Variants in PRKCE observed in about 807,000 individuals in gnomAD.
PRKCE encodes protein kinase C epsilon.
In PRKCE, 16 loss-of-function variants were observed where a neutral mutation model predicts 85.4. The observed-to-expected ratio is 0.19, with a 90% confidence interval of 0.13 to 0.28. The LOEUF (loss-of-function observed/expected upper bound fraction) is 0.28, where lower values mean the gene tolerates loss of function less well. Among genes scored for constraint, PRKCE ranks in the 10% least tolerant of loss-of-function variants. The probability of loss-of-function intolerance (pLI) is 1.00; values close to 1 mark genes in which losing one functional copy is unlikely to be tolerated. For synonymous variants in PRKCE, 388 were observed against 371.5 expected (o/e 1.04, Z -0.51); for missense variants, 573 against 975.2 (o/e 0.59, Z 5.49).
intron 2 of PRKCE, among the ~76,000 whole-genome samples, chr2:45,856,297 C>T (rs1233103724): frequency 1.3e-5 from 2 of 152,126 alleles, no homozygotes; most frequent in African/African-American, 4.8e-5. Context: ...GTGGCACAGT[C>T]TCCGCTCACT....
intron 10 of PRKCE, among the ~76,000 whole-genome samples, chr2:46,029,635 T>G (rs1365522600): frequency 6.6e-6 from 1 of 151,604 alleles, no homozygotes; most frequent in Non-Finnish European, 1.5e-5. Context: ...AGCCTGTTCA[T>G]GCATCGCTAA....
intron 2 of PRKCE, among the ~76,000 whole-genome samples, chr2:45,947,307 AG>A (rs1456006863): frequency 6.6e-6 from 1 of 152,070 alleles, no homozygotes. Flanking sequence ...GCCAGGAGCC[AG>A]GGGGTGGGGG....
intron 2 of PRKCE, among the ~76,000 whole-genome samples, chr2:45,935,281 C>T (rs188884539): frequency 6.6e-4 from 100 of 152,220 alleles, no homozygotes; most frequent in African/African-American, 2.3e-3. Flanking sequence ...GCATGATTCT[C>T]TGCTTTACTG....
intron 1 of PRKCE, among the ~76,000 whole-genome samples, chr2:45,750,162 C>T (rs1407239752): frequency 3.9e-5 from 6 of 152,004 alleles, no homozygotes; most frequent in East Asian, 1.9e-4. Context: ...TAAAATGTAC[C>T]GTTAGTGAAA....
intron 14 of PRKCE, among the ~76,000 whole-genome samples, chr2:46,172,603 T>A (rs1399506563): frequency 6.6e-6 from 1 of 152,196 alleles, no homozygotes; most frequent in Non-Finnish European, 1.5e-5. Flanking sequence ...ATAATGTGTT[T>A]GGAGCTAACG....
intron 2 of PRKCE, among the ~76,000 whole-genome samples, chr2:45,937,861 C>T (rs568395104): frequency 6.6e-6 from 1 of 152,286 alleles, no homozygotes; most frequent in East Asian, 1.9e-4. Context: ...TTATCCTCCC[C>T]CACCCCACTT....
intron 1 of PRKCE, among the ~76,000 whole-genome samples, chr2:45,789,371 T>A (rs1389784515): frequency 6.6e-6 from 1 of 152,222 alleles, no homozygotes; most frequent in African/African-American, 2.4e-5. Context: ...TTATTGCATG[T>A]CTTCTTTCAC....
At chr2:46,124,069 A>G (rs978049598) in intron 11 of PRKCE, among the ~76,000 whole-genome samples, 1 of 152,116 alleles carries the variant, frequency 6.6e-6, no homozygotes, top group African/African-American at 2.4e-5. Flanking sequence ...TCACACCTGT[A>G]ATCTCAGCAC....
At chr2:46,062,898 G>A (rs1032785424) in intron 10 of PRKCE, among the ~76,000 whole-genome samples, 2 of 152,060 alleles carry the variant, frequency 1.3e-5, no homozygotes, top group African/African-American at 4.8e-5. Context: ...CAAAATGCTG[G>A]GATTACAGGC....
At chr2:46,136,731 C>T (rs1043243986) in intron 11 of PRKCE, among the ~76,000 whole-genome samples, 1 of 152,186 alleles carries the variant, frequency 6.6e-6, no homozygotes, top group African/African-American at 2.4e-5. Flanking sequence ...CTCACCCCTA[C>T]CTGTGAGCCC....
intron 1 of PRKCE, among the ~76,000 whole-genome samples, chr2:45,773,528 T>C (rs139828087): frequency 1.3e-5 from 2 of 152,296 alleles, no homozygotes; most frequent in African/African-American, 2.4e-5. Flanking sequence ...TCACACCTGC[T>C]CTTGCTGACT....
intron 1 of PRKCE, among the ~76,000 whole-genome samples, chr2:45,795,381 T>A (rs1382888614): frequency 6.6e-6 from 1 of 152,138 alleles, no homozygotes; most frequent in Non-Finnish European, 1.5e-5. Flanking sequence ...TGATCTCAGC[T>A]CACTGCAACC....
rs1189039030 is a variant in PRKCE at position 45,708,859 on chromosome 2, C to G, written c.348+56411C>G. Among the ~76,000 whole-genome samples the G allele has an allele frequency of 3.3e-5, 5 of 152,080 alleles. No homozygotes were observed. In the East Asian group the frequency reaches 7.7e-4, roughly 23 times the overall value. ...AGCCAGTCATAGTGGTCTTGGGGGC[C>G]ATGTGTTGAAGGTGGCAGAGTCAGA... On this transcript the variant is annotated intron_variant, in intron 1 of 14. Coordinates refer to ENST00000306156, the MANE Select transcript of PRKCE (RefSeq NM_005400.3).
chr2:46,117,374 T>A (rs1672877130), intron 11 of PRKCE, among the ~76,000 whole-genome samples: 1 of 152,236 alleles, frequency 6.6e-6, no homozygotes, highest in Admixed American at 6.5e-5. Context: ...TGGGAGTAGA[T>A]CTGATTTCTG....
In PRKCE at chr2:46,091,782, T is replaced by G. The variant is rs141043400; in HGVS notation, c.1592+5420T>G. ...CCAGTCACATACCTCGAATTTACAT[T>G]ACTAAGATACAGTGAAAGAACATTA... On this transcript the variant is annotated intron_variant, in intron 11 of 14. Transcript: ENST00000306156. 5.8e-3 allele frequency among the ~76,000 whole-genome samples: 880 copies of G among 152,312 alleles called. 2 individuals are homozygous for G. The highest frequency in any genetic ancestry group is 8.6e-3 in the Non-Finnish European group (587 of 68,030).
At chr2:46,140,096 A>T (rs1423187729) in intron 11 of PRKCE, among the ~76,000 whole-genome samples, 1 of 152,180 alleles carries the variant, frequency 6.6e-6, no homozygotes, top group African/African-American at 2.4e-5. Context: ...ATAAGAAGGG[A>T]AGACTCAACA....
intron 2 of PRKCE, among the ~76,000 whole-genome samples, chr2:45,952,061 G>C (rs1700659105): frequency 6.6e-6 from 1 of 152,200 alleles, no homozygotes; most frequent in East Asian, 1.9e-4. Context: ...TTCAACTCCT[G>C]GCGTCAAGTG....
intron 11 of PRKCE, among the ~76,000 whole-genome samples, chr2:46,127,369 T>C (rs546370138): frequency 1.3e-5 from 2 of 152,302 alleles, no homozygotes; most frequent in South Asian, 2.1e-4. Context: ...TTTATATATA[T>C]AAAAGAGAGA....
chr2:46,054,063 A>G (rs1666331815), intron 10 of PRKCE, among the ~76,000 whole-genome samples: 1 of 152,190 alleles, frequency 6.6e-6, no homozygotes, highest in African/African-American at 2.4e-5. Context: ...GTGAGATAAG[A>G]GAATTAGTTA....
Sources: gnomAD v4.1 joint callset for allele counts (sites outside exome capture counted in the v4.1 genomes callset) on GRCh38, gnomAD v4.1.1 for gene constraint, MANE v1.5 for transcripts, NCBI Gene and HGNC (gene_info 2026-07-23, HGNC 2026-07-21) for gene names.